ST6GALNAC3: variants seen among roughly 807,000 people sequenced by gnomAD.
ST6GALNAC3 encodes the protein ST6 N-acetylgalactosaminide alpha-2,6-sialyltransferase 3, also known as alpha-N-acetylgalactosaminide alpha-2,6-sialyltransferase 3.
In ST6GALNAC3, 25 loss-of-function variants were observed where a neutral mutation model predicts 32.7. The observed-to-expected ratio is 0.76, with a 90% CI of 0.56 to 1.07. ST6GALNAC3 has a LOEUF of 1.07. Ranked by LOEUF, ST6GALNAC3 falls within the 50% of genes least tolerant of loss-of-function variation. The pLI is 0.00. For missense variants in ST6GALNAC3, 355 were observed against 382.4 expected (o/e 0.93, Z 0.60); for synonymous variants, 129 against 133.1 (o/e 0.97, Z 0.21).
intron 2 of ST6GALNAC3, among the ~76,000 whole-genome samples, chr1:76,409,041 A>G (rs1467347561): frequency 6.6e-6 from 1 of 152,154 alleles, no homozygotes; most frequent in East Asian, 1.9e-4. Flanking sequence ...TCTATTGTGT[A>G]AAAGAAGGTA....
chr1:76,562,724 T>A (rs906547681), intron 3 of ST6GALNAC3, among the ~76,000 whole-genome samples: 1 of 152,230 alleles, frequency 6.6e-6, no homozygotes, highest in Non-Finnish European at 1.5e-5. Flanking sequence ...TATATTACTA[T>A]GATAATGTTT....
intron 1 of ST6GALNAC3, among the ~76,000 whole-genome samples, chr1:76,100,951 C>A (rs1022480057): frequency 6.6e-6 from 1 of 152,000 alleles, no homozygotes; most frequent in Non-Finnish European, 1.5e-5. Flanking sequence ...CGTGCACAGC[C>A]TTCCCTGTGA....
intron 3 of ST6GALNAC3, among the ~76,000 whole-genome samples, chr1:76,531,289 G>C (rs990351350): frequency 1.3e-5 from 2 of 152,106 alleles, no homozygotes; most frequent in South Asian, 2.1e-4. Flanking sequence ...GTGTAAATAT[G>C]GAATAACTTC....
rs187319866 is a variant in ST6GALNAC3, at chr1:76,129,508, A to G, written c.18+54624A>G. ...CAAATGGCCCCAGTGAGGTGAGGGT[A>G]TCACCCTGTTAACAATCCTTCTTTA... is the stretch of plus-strand genomic sequence containing the variant. On this transcript the variant is annotated intron_variant, in intron 1 of 4. Coordinates refer to ENST00000328299, the MANE Select transcript of ST6GALNAC3 (RefSeq NM_152996.4). Among the ~76,000 whole-genome samples, 21 of 152,156 alleles carry G rather than the reference A, an allele frequency of 1.4e-4. 1 individual carries two copies. The highest frequency in any genetic ancestry group is 5.1e-4 in the African/African-American group (21 of 41,420).
chr1:76,217,724 G>A (rs1260036798), intron 1 of ST6GALNAC3, among the ~76,000 whole-genome samples: 10 of 152,050 alleles, frequency 6.6e-5, no homozygotes, highest in East Asian at 1.9e-4. Flanking sequence ...ACGCCTTTGC[G>A]TCCTCATAGC....
chr1:76,455,868 G>A (rs941829998), intron 3 of ST6GALNAC3, among the ~76,000 whole-genome samples: 2 of 152,086 alleles, frequency 1.3e-5, no homozygotes, highest in Non-Finnish European at 2.9e-5. Context: ...GTCCACCTTA[G>A]GAATTGAAAG....
At chr1:76,390,846 T>C (rs1036526816) in intron 2 of ST6GALNAC3, among the ~76,000 whole-genome samples, 2 of 151,498 alleles carry the variant, frequency 1.3e-5, no homozygotes, top group Non-Finnish European at 1.5e-5. Flanking sequence ...ACATGGGAAA[T>C]ATAATGCTAT....
At chr1:76,227,379 G>A (rs1469028710) in intron 1 of ST6GALNAC3, among the ~76,000 whole-genome samples, 1 of 152,148 alleles carries the variant, frequency 6.6e-6, no homozygotes, top group Non-Finnish European at 1.5e-5. Flanking sequence ...GTGGAATTGA[G>A]CACATTGTTT....
chr1:76,262,988 G>T (rs1313612505), intron 1 of ST6GALNAC3, among the ~76,000 whole-genome samples: 3 of 152,100 alleles, frequency 2.0e-5, no homozygotes, highest in African/African-American at 7.2e-5. Flanking sequence ...TGAGGATTTT[G>T]TCTAAGAGTA....
chr1:76,231,703 A>G lies in ST6GALNAC3; in HGVS notation c.19-82102A>G, dbSNP rs543510830. Among the ~76,000 whole-genome samples, 160 of 152,332 alleles carry G rather than the reference A, an allele frequency of 1.1e-3. 5 individuals carry two copies. Among genetic ancestry groups the G allele is most frequent in the African/African-American group, 3.6e-3 (148 of 41,578 alleles). On this transcript the variant is annotated intron_variant, in intron 1 of 4. Transcript: ENST00000328299. ...TTTGTGAGGCTGAATAATATCCACT[A>G]TAGGTATATGTCACTTTTTTTTCAT...
intron 3 of ST6GALNAC3, among the ~76,000 whole-genome samples, chr1:76,495,861 G>A (rs1660818080): frequency 6.6e-6 from 1 of 152,130 alleles, no homozygotes; most frequent in Non-Finnish European, 1.5e-5. Flanking sequence ...TTTGTTACTT[G>A]AGGAATCTTC....
chr1:76,597,549 C>G (rs530447022), intron 3 of ST6GALNAC3, among the ~76,000 whole-genome samples: 4 of 152,078 alleles, frequency 2.6e-5, no homozygotes, highest in African/African-American at 9.7e-5. Flanking sequence ...TCTAGAGACT[C>G]TTTGTTCTAC....
rs1398615662 is a variant in ST6GALNAC3, at chr1:76,546,079, C to T, written c.624-81373C>T. On this transcript the variant is annotated intron_variant, in intron 3 of 4. Coordinates refer to ENST00000328299, the MANE Select transcript of ST6GALNAC3 (RefSeq NM_152996.4). Reference sequence around the variant, plus strand: ...GAAAAGTACAGATTGAGACTCTGTACTTTCCAATTTGGAATCTTAACACCT... The same window carrying T: ...GAAAAGTACAGATTGAGACTCTGTATTTTCCAATTTGGAATCTTAACACCT... Among the ~76,000 whole-genome samples, 3 of 152,164 alleles carry T rather than the reference C, an allele frequency of 2.0e-5. No individual in the cohort carries two copies. The East Asian group carries it at 5.8e-4, about 29-fold the overall frequency.
intron 1 of ST6GALNAC3, among the ~76,000 whole-genome samples, chr1:76,182,625 C>A (rs1296302249): frequency 6.6e-6 from 1 of 151,990 alleles, no homozygotes; most frequent in Non-Finnish European, 1.5e-5. Flanking sequence ...TTTTGATGGC[C>A]ATGTAAATTG....
At chr1:76,339,289 A>C (rs1481580320) in intron 2 of ST6GALNAC3, among the ~76,000 whole-genome samples, 1 of 152,176 alleles carries the variant, frequency 6.6e-6, no homozygotes, top group Admixed American at 6.5e-5. Context: ...AGATGAAGAC[A>C]GGGGAGTCAG....
At chr1:76,372,719 T>G (rs1051949229) in intron 2 of ST6GALNAC3, among the ~76,000 whole-genome samples, 2 of 152,180 alleles carry the variant, frequency 1.3e-5, no homozygotes, top group Non-Finnish European at 2.9e-5. Flanking sequence ...GCCATTTATT[T>G]GTTCTTTGAC....
At chr1:76,391,654 C>G (rs1652576130) in intron 2 of ST6GALNAC3, among the ~76,000 whole-genome samples, 1 of 150,346 alleles carries the variant, frequency 6.7e-6, no homozygotes, top group Non-Finnish European at 1.5e-5. Context: ...GGAATTGACT[C>G]TACTCACTTT....
At chr1:76,159,154 T>C (rs750232609) in intron 1 of ST6GALNAC3, among the ~76,000 whole-genome samples, 1 of 152,216 alleles carries the variant, frequency 6.6e-6, no homozygotes. Flanking sequence ...GGGAGTTAAG[T>C]TGGGAATGTT....
chr1:76,342,355 A>G (rs1247193310), intron 2 of ST6GALNAC3, among the ~76,000 whole-genome samples: 2 of 152,060 alleles, frequency 1.3e-5, no homozygotes, highest in Admixed American at 6.6e-5. Context: ...ATTTCTCCAC[A>G]TCCTCTCCAG....
Sources: gnomAD v4.1 joint callset for allele counts (sites outside exome capture counted in the v4.1 genomes callset) on GRCh38, gnomAD v4.1.1 for gene constraint, MANE v1.5 for transcripts, NCBI Gene and HGNC (gene_info 2026-07-23, HGNC 2026-07-21) for gene names.